The following GRB10 variants were observed in gnomAD, a reference collection of about 807,000 sequenced individuals.
The protein encoded by GRB10 is growth factor receptor-bound protein 10.
A neutral mutation model predicts 80.9 loss-of-function variants in GRB10; 20 were observed. The observed-to-expected ratio is 0.25, with a 90% CI of 0.17 to 0.36. The LOEUF is 0.36. GRB10 is among the 10% of genes least tolerant of loss of function. The pLI, the probability that GRB10 is intolerant of heterozygous loss-of-function variation, is 1.00. For missense variants in GRB10, 548 were observed against 747.7 expected (o/e 0.73, Z 3.12); for synonymous variants, 291 against 291.5 (o/e 1.00, Z 0.02).
chr7:50,672,708 G>A (rs1343340379), intron 6 of GRB10, among the ~76,000 whole-genome samples: 1 of 152,148 alleles, frequency 6.6e-6, no homozygotes, highest in Admixed American at 6.5e-5. Flanking sequence ...CTCCAGCAGG[G>A]AGGCAGGCCT....
At chr7:50,691,586 A>G (rs2062821688) in intron 5 of GRB10, among the ~76,000 whole-genome samples, 1 of 152,250 alleles carries the variant, frequency 6.6e-6, no homozygotes, top group African/African-American at 2.4e-5. Flanking sequence ...AAATCATGAC[A>G]TATCTAATAA....
chr7:50,694,247 C>T (rs1212637807), intron 5 of GRB10, among the ~76,000 whole-genome samples: 1 of 152,212 alleles, frequency 6.6e-6, no homozygotes, highest in African/African-American at 2.4e-5. Context: ...TTGCTTGAAC[C>T]TGGGAGGTGG....
intron 4 of GRB10, among the ~76,000 whole-genome samples, chr7:50,708,535 G>C (rs1215783240): frequency 6.6e-6 from 1 of 152,124 alleles, no homozygotes; most frequent in Non-Finnish European, 1.5e-5. Flanking sequence ...ATGAACACAG[G>C]GACAAGAATA....
At chr7:50,698,264 G>A (rs1031549313) in intron 5 of GRB10, among the ~76,000 whole-genome samples, 3 of 152,132 alleles carry the variant, frequency 2.0e-5, no homozygotes, top group African/African-American at 7.2e-5. Context: ...CCAGGCTGAA[G>A]TGCGCCTTTC....
At chr7:50,624,662 G>A (rs1051472654) in intron 8 of GRB10, among the ~76,000 whole-genome samples, 1 of 152,132 alleles carries the variant, frequency 6.6e-6, no homozygotes, top group Non-Finnish European at 1.5e-5. Context: ...AACTTGCAAA[G>A]TCCTCTGCAA....
At chr7:50,776,355 A>G (rs1381989519) in intron 2 of GRB10, among the ~76,000 whole-genome samples, 1 of 151,368 alleles carries the variant, frequency 6.6e-6, no homozygotes, top group African/African-American at 2.4e-5. Context: ...GCTGGGGCTA[A>G]GTGCACACCA....
At chr7:50,688,942 A>G (rs1226005863) in intron 5 of GRB10, among the ~76,000 whole-genome samples, 1 of 152,150 alleles carries the variant, frequency 6.6e-6, no homozygotes, top group Non-Finnish European at 1.5e-5. Flanking sequence ...TGAGTCTGTG[A>G]CAGGAAGTAC....
intron 5 of GRB10, among the ~76,000 whole-genome samples, chr7:50,683,410 C>T (rs1586835956): frequency 6.6e-6 from 1 of 152,116 alleles, no homozygotes; most frequent in Non-Finnish European, 1.5e-5. Context: ...ACCATGTGAA[C>T]GTTCTTAATG....
chr7:50,762,485 A>T (rs1056820816), intron 2 of GRB10, among the ~76,000 whole-genome samples: 2 of 152,068 alleles, frequency 1.3e-5, no homozygotes, highest in Non-Finnish European at 2.9e-5. Flanking sequence ...GTCTTCAAGG[A>T]ACTCAGCTTG....
Position 50,604,320 on chromosome 7 carries a change from G to T in GRB10, c.1447C>A (p.Leu483Ile), listed in dbSNP as rs200886440. The T allele has an allele frequency of 6.2e-7, 1 of 1,612,850 alleles. No individual in the cohort carries two copies. The highest frequency in any genetic ancestry group is 1.1e-5 in the South Asian group (1 of 91,056). ...AATGTGCCCTGTTTACCTGTACTTAGGGTAGAAGGGTGGAGGGGACTTTGG... is the reference window on the plus strand; with the variant it reads ...AATGTGCCCTGTTTACCTGTACTTATGGTAGAAGGGTGGAGGGGACTTTGG... ...GSQSPLHPST[L>I]STVIHRTQHW... The change falls in exon 16 of 19, where the codon CTA becomes ATA. Residue 483 changes from leucine (L) to isoleucine (I), a missense_variant. By Grantham distance (5) the Leu-to-Ile change is conservative. This residue lies in a region of GRB10 where 270 missense variants were observed against 433.6 expected (regional missense o/e 0.62). Coordinates refer to ENST00000401949, the MANE Select transcript of GRB10 (RefSeq NM_001350814.2).
intron 4 of GRB10, among the ~76,000 whole-genome samples, chr7:50,709,545 C>T (rs1321618195): frequency 6.8e-6 from 1 of 146,032 alleles, no homozygotes; most frequent in Non-Finnish European, 1.5e-5. Context: ...CTCCAGACCC[C>T]TCCATTAAAC....
At chr7:50,673,040 A>G (rs186622540) in intron 6 of GRB10, among the ~76,000 whole-genome samples, 18 of 152,308 alleles carry the variant, frequency 1.2e-4, no homozygotes, top group Admixed American at 2.0e-4. Flanking sequence ...CCTCCGTAAG[A>G]AACAGCTGCC....
chr7:50,610,992 CTT>C (rs11349157), intron 13 of GRB10, among the ~76,000 whole-genome samples: 3 of 147,580 alleles, frequency 2.0e-5, no homozygotes, highest in South Asian at 2.2e-4. Flanking sequence ...TTTTCATTTC[CTT>C]TTTTTTTTGC....
intron 11 of GRB10, among the ~76,000 whole-genome samples, chr7:50,615,672 T>TG (rs2050486155): frequency 6.6e-6 from 1 of 152,216 alleles, no homozygotes; most frequent in South Asian, 2.1e-4. Flanking sequence ...AGGGTATATG[T>TG]GGACAGCACA....
At chr7:50,673,857 T>C (rs184245701) in intron 6 of GRB10, among the ~76,000 whole-genome samples, 1 of 152,178 alleles carries the variant, frequency 6.6e-6, no homozygotes, top group South Asian at 2.1e-4. Context: ...CCTCCATCTA[T>C]CTGAGCTCCT....
At chr7:50,773,532 G>A (rs1017812725) in intron 2 of GRB10, among the ~76,000 whole-genome samples, 1 of 149,938 alleles carries the variant, frequency 6.7e-6, no homozygotes, top group African/African-American at 2.5e-5. Flanking sequence ...GGAGAGGACA[G>A]GAAACGAAAA....
At chr7:50,636,687 AT>A (rs1244614914) in intron 7 of GRB10, among the ~76,000 whole-genome samples, 1 of 152,158 alleles carries the variant, frequency 6.6e-6, no homozygotes, top group Non-Finnish European at 1.5e-5. Flanking sequence ...ACACCCCTTC[AT>A]GAAAAAAACC....
intron 2 of GRB10, among the ~76,000 whole-genome samples, chr7:50,773,720 A>T (rs1282798172): frequency 5.9e-5 from 9 of 152,208 alleles, no homozygotes. Context: ...CATGGAAAGC[A>T]AGTACTCAAA....
At chr7:50,710,827 G>A (rs760041347) in intron 4 of GRB10, 31 of 1,592,830 alleles carry the variant, frequency 1.9e-5, no homozygotes, top group Non-Finnish European at 2.7e-5. Flanking sequence ...TAAAGGGCTT[G>A]CCCAGCAACT....
Sources: gnomAD v4.1 joint callset for allele counts (sites outside exome capture counted in the v4.1 genomes callset) on GRCh38, gnomAD v4.1.1 for gene constraint, gnomAD v4.1.1 regional missense constraint, MANE v1.5 for transcripts, NCBI Gene and HGNC (gene_info 2026-07-23, HGNC 2026-07-21) for gene names.